Variants in HIVEP3 observed in about 807,000 individuals in gnomAD.
HIVEP3 encodes the protein HIVEP zinc finger 3.
Under a neutral mutation model 152.8 loss-of-function variants are expected in HIVEP3, and 49 were observed. The observed-to-expected ratio is 0.32, with a 90% CI of 0.26 to 0.41. The LOEUF is 0.41. Among genes scored for constraint, HIVEP3 ranks in the 10% least tolerant of loss-of-function variants. The pLI is 1.00. For synonymous variants in HIVEP3, 1,269 were observed against 1,289.0 expected (o/e 0.98, Z 0.33); for missense variants, 2,790 against 3,103.3 (o/e 0.90, Z 2.40).
At chr1:41,843,514 C>A (rs1643348745) in intron 1 of HIVEP3, among the ~76,000 whole-genome samples, 1 of 152,048 alleles carries the variant, frequency 6.6e-6, no homozygotes, top group African/African-American at 2.4e-5. Flanking sequence ...AATGTGAAAC[C>A]CAATTCCAGA....
At chr1:41,789,238 T>C (rs1253325200) in intron 1 of HIVEP3, among the ~76,000 whole-genome samples, 2 of 152,190 alleles carry the variant, frequency 1.3e-5, no homozygotes, top group East Asian at 1.9e-4. Context: ...AAGACTGTTT[T>C]AGGTGGATGT....
intron 1 of HIVEP3, among the ~76,000 whole-genome samples, chr1:41,951,836 C>T (rs2124491855): frequency 1.3e-5 from 2 of 152,290 alleles, no homozygotes; most frequent in East Asian, 3.9e-4. Context: ...AATTACCTCC[C>T]ACTTGGTCCC....
intron 1 of HIVEP3, among the ~76,000 whole-genome samples, chr1:41,704,467 C>G (rs1199350600): frequency 6.6e-6 from 1 of 152,268 alleles, no homozygotes; most frequent in Non-Finnish European, 1.5e-5. Flanking sequence ...GTGCCAGCAA[C>G]TAGCAGCCTG....
rs1405968695 is a variant in HIVEP3 at position 41,873,947 on chromosome 1, G to C, written c.-801+44466C>G. Among the ~76,000 whole-genome samples, 1 of 152,138 alleles carries C rather than the reference G, an allele frequency of 6.6e-6. No individual in the cohort carries two copies. The highest frequency in any genetic ancestry group is 2.4e-5 in the African/African-American group (1 of 41,436). On this transcript the variant is annotated intron_variant, in intron 1 of 8. Coordinates refer to ENST00000372583, the MANE Select transcript of HIVEP3 (RefSeq NM_024503.5). This position sits in a 1 kb window ranked among gnomAD's most constrained non-coding sequence, Gnocchi z 4.2. ...TTCTGGGGTCAGGAAGAAGCTGCAG[G>C]CCCTCCTTCCCACCCTCGCTTCCCT...
chr1:41,571,161 G>A (rs569946534), intron 5 of HIVEP3, among the ~76,000 whole-genome samples: 9 of 152,212 alleles, frequency 5.9e-5, no homozygotes, highest in African/African-American at 2.2e-4. Context: ...CATTCCCTTC[G>A]GACATAAGCC....
chr1:41,767,051 C>G (rs971977122), intron 1 of HIVEP3, among the ~76,000 whole-genome samples: 1 of 150,656 alleles, frequency 6.6e-6, no homozygotes, highest in Non-Finnish European at 1.5e-5. Context: ...CCCCAGATCC[C>G]ACTTCCTCTG....
chr1:41,607,032 C>T (rs1423679084), intron 3 of HIVEP3, among the ~76,000 whole-genome samples: 1 of 151,806 alleles, frequency 6.6e-6, no homozygotes, highest in Non-Finnish European at 1.5e-5. Context: ...CCATATTGCT[C>T]AGTGTGGTCT....
At chr1:41,930,079 C>T (rs1644989088) in intron 1 of HIVEP3, among the ~76,000 whole-genome samples, 1 of 152,120 alleles carries the variant, frequency 6.6e-6, no homozygotes, top group Non-Finnish European at 1.5e-5. Context: ...TTATGTTATA[C>T]ACGTGCAATG....
chr1:41,724,341 TC>T (rs1178318478), intron 1 of HIVEP3, among the ~76,000 whole-genome samples: 3 of 152,172 alleles, frequency 2.0e-5, no homozygotes, highest in Non-Finnish European at 4.4e-5. Flanking sequence ...AGCTGGTTGG[TC>T]CCCTTAGGGA....
At chr1:41,865,189 C>T (rs1264800515) in intron 1 of HIVEP3, among the ~76,000 whole-genome samples, 3 of 152,206 alleles carry the variant, frequency 2.0e-5, no homozygotes, top group Admixed American at 6.5e-5. Flanking sequence ...TCATCGTTCA[C>T]GCCATCTTTT....
chr1:42,010,610 C>G (rs1294306654), intron 1 of HIVEP3, among the ~76,000 whole-genome samples: 1 of 152,194 alleles, frequency 6.6e-6, no homozygotes, highest in Non-Finnish European at 1.5e-5. Flanking sequence ...CCTTTCTACC[C>G]TCTGGCTCTA....
At chr1:41,619,385 T>A (rs1212636722) in intron 3 of HIVEP3, among the ~76,000 whole-genome samples, 1 of 152,194 alleles carries the variant, frequency 6.6e-6, no homozygotes, top group Non-Finnish European at 1.5e-5. Flanking sequence ...AGATAATATA[T>A]TTACATTTAT....
At chr1:41,601,532 ATTTTC>A (rs1258363645) in intron 3 of HIVEP3, among the ~76,000 whole-genome samples, 1 of 151,776 alleles carries the variant, frequency 6.6e-6, no homozygotes, top group Non-Finnish European at 1.5e-5. Context: ...TATTTTTCTA[ATTTTC>A]TTTTCAGCTA....
At chr1:41,808,267 T>G (rs1308052199) in intron 1 of HIVEP3, among the ~76,000 whole-genome samples, 2 of 152,218 alleles carry the variant, frequency 1.3e-5, no homozygotes, top group African/African-American at 4.8e-5. Flanking sequence ...TCCTGACCAC[T>G]CAGCTGGGTT....
chr1:41,557,720 T>C (rs1413287073), intron 5 of HIVEP3, among the ~76,000 whole-genome samples: 1 of 152,076 alleles, frequency 6.6e-6, no homozygotes, highest in Non-Finnish European at 1.5e-5. Context: ...ACTTCTCCCA[T>C]CTATTACAGA....
intron 3 of HIVEP3, among the ~76,000 whole-genome samples, chr1:41,613,658 T>G (rs1425719049): frequency 6.6e-6 from 1 of 152,236 alleles, no homozygotes; most frequent in East Asian, 1.9e-4. Context: ...AACATAACTC[T>G]TTAAATGCTG....
rs866750046 is a variant in HIVEP3 at position 41,511,160 on chromosome 1, C to T, written c.6512G>A (p.Arg2171Gln). 33 of 1,614,010 alleles carry T rather than the reference C, an allele frequency of 2.0e-5. No individual in the cohort carries two copies. The East Asian group carries it at 2.9e-4, about 14-fold the overall frequency. The change falls in exon 9 of 9, where the codon CGG becomes CAG. Residue 2171 changes from arginine (R) to glutamine (Q), a missense_variant. Physicochemically the swap from Arg to Gln is conservative, Grantham distance 43. Coordinates refer to ENST00000372583, the MANE Select transcript of HIVEP3 (RefSeq NM_024503.5). This position sits in a 1 kb window ranked among gnomAD's most constrained non-coding sequence, Gnocchi z 4.9. ...GTGGCTGAAGATGTTCTCCTCTGTC[C>T]GGGCCAGGATGTGGCCGTGGAAGTC... ...LHDFHGHILA[R>Q]TEENIFSHLP...
At chr1:41,600,078 A>G (rs1644723536) in intron 3 of HIVEP3, among the ~76,000 whole-genome samples, 1 of 152,220 alleles carries the variant, frequency 6.6e-6, no homozygotes, top group Non-Finnish European at 1.5e-5. Context: ...ATTTGCAAGG[A>G]TGTAGAGAAA....
In HIVEP3 at chr1:42,016,330, A is replaced by G. The variant is rs187763775; in HGVS notation, n.119+19477T>C. On this transcript the variant is annotated intron_variant and non_coding_transcript_variant, in intron 1 of 3. Transcript: ENST00000489103. ...AGGTGGACAGACAGGCAGTAAGGAC[A>G]GGAAAGAAATGCTTTCATTAGGAGT... 4.6e-3 allele frequency among the ~76,000 whole-genome samples: 703 copies of G among 152,338 alleles called. 6 individuals are homozygous for G. The highest frequency in any genetic ancestry group is 0.01 in the Middle Eastern group (3 of 294).
Sources: gnomAD v4.1 joint callset for allele counts (sites outside exome capture counted in the v4.1 genomes callset) on GRCh38, gnomAD v4.1.1 for gene constraint, Gnocchi (gnomAD v3.1) non-coding constraint, MANE v1.5 for transcripts, NCBI Gene and HGNC (gene_info 2026-07-23, HGNC 2026-07-21) for gene names.